Variants in SGCZ observed in about 807,000 individuals in gnomAD.
SGCZ encodes the protein sarcoglycan zeta, also known as zeta-sarcoglycan.
Under a neutral mutation model 41.3 loss-of-function variants are expected in SGCZ, and 40 were observed. That is an observed-to-expected ratio of 0.97 (90% confidence interval 0.75 to 1.26). SGCZ has a LOEUF of 1.26. SGCZ is among the 50% of genes most tolerant of loss of function. SGCZ has a pLI of 0.00. For missense variants in SGCZ, 552 were observed against 369.8 expected (o/e 1.49, Z -4.04); for synonymous variants, 206 against 137.5 (o/e 1.50, Z -3.49).
chr8:14,918,879 A>T (rs1799512296), intron 1 of SGCZ, among the ~76,000 whole-genome samples: 1 of 152,176 alleles, frequency 6.6e-6, no homozygotes, highest in Admixed American at 6.5e-5. Flanking sequence ...AATATGTTGA[A>T]AACTGAATGG....
intron 2 of SGCZ, among the ~76,000 whole-genome samples, chr8:14,377,393 T>A (rs1489035096): frequency 6.6e-6 from 1 of 152,180 alleles, no homozygotes; most frequent in Non-Finnish European, 1.5e-5. Context: ...GCCACATAAT[T>A]TATAATCAAC....
intron 1 of SGCZ, among the ~76,000 whole-genome samples, chr8:14,701,976 C>T (rs1809152434): frequency 6.6e-6 from 1 of 151,932 alleles, no homozygotes; most frequent in Admixed American, 6.6e-5. Context: ...TAATTATGTC[C>T]TCCTCTTAAA....
rs1003852826 is a variant in SGCZ, at chr8:14,666,876, A to T, written c.40-111950T>A. On this transcript the variant is annotated intron_variant, in intron 1 of 7. Transcript: ENST00000382080. Reference sequence around the variant, plus strand: ...TTATTTCATAAAAAGAACTATTTTAACGTCCATTAGGTACTAAAATATTCT... The same window carrying T: ...TTATTTCATAAAAAGAACTATTTTATCGTCCATTAGGTACTAAAATATTCT... 2.5e-4 allele frequency among the ~76,000 whole-genome samples: 38 copies of T among 152,156 alleles called. 1 individual carries two copies. The highest frequency in any genetic ancestry group is 8.9e-4 in the African/African-American group (37 of 41,494).
At chr8:14,220,360 T>G (rs1026343422) in intron 4 of SGCZ, among the ~76,000 whole-genome samples, 1 of 152,074 alleles carries the variant, frequency 6.6e-6, no homozygotes, top group African/African-American at 2.4e-5. Flanking sequence ...ATGTATCATA[T>G]GTGAATTTAT....
At chr8:14,680,407 T>C (rs1325474938) in intron 1 of SGCZ, among the ~76,000 whole-genome samples, 2 of 152,136 alleles carry the variant, frequency 1.3e-5, no homozygotes, top group Non-Finnish European at 2.9e-5. Flanking sequence ...TGTGGCACTT[T>C]GGGAGATGTT....
chr8:14,788,380 G>C (rs1800841084), intron 1 of SGCZ, among the ~76,000 whole-genome samples: 1 of 152,138 alleles, frequency 6.6e-6, no homozygotes, highest in East Asian at 1.9e-4. Context: ...TAGCCAATTA[G>C]GAGGAAGAAA....
intron 1 of SGCZ, among the ~76,000 whole-genome samples, chr8:14,696,021 C>T (rs1028611747): frequency 6.6e-6 from 1 of 152,088 alleles, no homozygotes; most frequent in Non-Finnish European, 1.5e-5. Context: ...TGAATTGTTT[C>T]ACCCTACATA....
chr8:15,038,218 A>G (rs1489852460), intron 1 of SGCZ, among the ~76,000 whole-genome samples: 1 of 152,204 alleles, frequency 6.6e-6, no homozygotes, highest in Admixed American at 6.5e-5. Context: ...CTACAAAGCT[A>G]TAACAATCAA....
chr8:14,447,103 G>T (rs1229234913), intron 2 of SGCZ, among the ~76,000 whole-genome samples: 1 of 152,022 alleles, frequency 6.6e-6, no homozygotes, highest in Non-Finnish European at 1.5e-5. Context: ...ATTTTCTTTA[G>T]TCAATTAAAA....
intron 1 of SGCZ, among the ~76,000 whole-genome samples, chr8:14,912,978 G>T (rs561241242): frequency 6.6e-6 from 1 of 152,106 alleles, no homozygotes; most frequent in African/African-American, 2.4e-5. Context: ...TTTGGTTTTA[G>T]TTAGTAATTA....
intron 1 of SGCZ, among the ~76,000 whole-genome samples, chr8:14,984,500 G>C (rs1801767940): frequency 6.6e-6 from 1 of 151,260 alleles, no homozygotes; most frequent in Admixed American, 6.6e-5. Flanking sequence ...TTTCTTATCT[G>C]ATATTGTTTT....
intron 1 of SGCZ, among the ~76,000 whole-genome samples, chr8:14,604,203 A>T (rs373886043): frequency 6.6e-6 from 1 of 152,132 alleles, no homozygotes; most frequent in Non-Finnish European, 1.5e-5. Flanking sequence ...GTACAAATAG[A>T]CTTATAGAAG....
At chr8:15,221,670 G>C (rs962440622) in intron 1 of SGCZ, among the ~76,000 whole-genome samples, 2 of 152,140 alleles carry the variant, frequency 1.3e-5, no homozygotes, top group African/African-American at 4.8e-5. Context: ...ATCCCGAGAT[G>C]CTGAAAACCC....
chr8:14,255,314 G>C (rs1238644887), intron 3 of SGCZ, among the ~76,000 whole-genome samples: 1 of 152,102 alleles, frequency 6.6e-6, no homozygotes, highest in Non-Finnish European at 1.5e-5. Context: ...CTATGATCTT[G>C]TCACATTCAC....
chr8:14,491,917 A>G (rs1801853038), intron 2 of SGCZ, among the ~76,000 whole-genome samples: 1 of 152,158 alleles, frequency 6.6e-6, no homozygotes, highest in Non-Finnish European at 1.5e-5. Context: ...TTATCATCAC[A>G]GAATAATAAA....
intron 2 of SGCZ, among the ~76,000 whole-genome samples, chr8:14,415,693 G>A (rs180805525): frequency 6.6e-5 from 10 of 151,940 alleles, no homozygotes; most frequent in African/African-American, 1.4e-4. Flanking sequence ...TATTTTGTTC[G>A]TTTAGATATT....
intron 3 of SGCZ, chr8:14,309,397 C>T (rs1388856143): frequency 2.3e-5 from 37 of 1,605,740 alleles, no homozygotes; most frequent in Non-Finnish European, 3.0e-5. Context: ...GAAGTGACCT[C>T]GATCGCTTTT....
intron 5 of SGCZ, among the ~76,000 whole-genome samples, chr8:14,135,355 G>C (rs1306955615): frequency 1.3e-5 from 2 of 152,128 alleles, no homozygotes; most frequent in African/African-American, 4.8e-5. Context: ...TGATGTGATA[G>C]GAAGAAAGCA....
At chr8:14,331,971 C>T (rs1407856821) in intron 2 of SGCZ, among the ~76,000 whole-genome samples, 1 of 151,576 alleles carries the variant, frequency 6.6e-6, no homozygotes, top group Non-Finnish European at 1.5e-5. Context: ...TACATTTATA[C>T]AATACATGTA....
Sources: gnomAD v4.1 joint callset for allele counts (sites outside exome capture counted in the v4.1 genomes callset) on GRCh38, gnomAD v4.1.1 for gene constraint, MANE v1.5 for transcripts, NCBI Gene and HGNC (gene_info 2026-07-23, HGNC 2026-07-21) for gene names.